The following SEPTIN7 variants were observed in gnomAD, a reference collection of about 807,000 sequenced individuals.
The protein encoded by SEPTIN7 is septin-7.
In SEPTIN7, 10 loss-of-function variants were observed where a neutral mutation model predicts 63.3. The ratio of observed to expected loss-of-function variants is 0.16; its 90% CI spans 0.10 to 0.27. The LOEUF (loss-of-function observed/expected upper bound fraction) is 0.27. Among genes scored for constraint, SEPTIN7 ranks in the 10% least tolerant of loss-of-function variants. The pLI, the probability that SEPTIN7 is intolerant of heterozygous loss-of-function variation, is 1.00. For synonymous variants in SEPTIN7, 131 were observed against 165.3 expected (o/e 0.79, Z 1.59); for missense variants, 310 against 521.0 (o/e 0.59, Z 3.94).
At chr7:35,837,812 A>G (rs560198062) in intron 3 of SEPTIN7, among the ~76,000 whole-genome samples, 2 of 151,854 alleles carry the variant, frequency 1.3e-5, no homozygotes, top group African/African-American at 2.4e-5. Flanking sequence ...GTCCACTGCA[A>G]CCTCCACCTC....
intron 3 of SEPTIN7, among the ~76,000 whole-genome samples, chr7:35,844,030 C>G (rs546307315): frequency 6.6e-6 from 1 of 152,268 alleles, no homozygotes; most frequent in East Asian, 1.9e-4. Flanking sequence ...TGAGCTCTTT[C>G]ATAGCATGCT....
At chr7:35,806,640 T>C (rs1173185289) in intron 1 of SEPTIN7, among the ~76,000 whole-genome samples, 1 of 152,236 alleles carries the variant, frequency 6.6e-6, no homozygotes, top group Non-Finnish European at 1.5e-5. Flanking sequence ...CTAATCAAGA[T>C]AGAGAATACT....
chr7:35,880,414 T>G (rs910447665), intron 7 of SEPTIN7, among the ~76,000 whole-genome samples: 2 of 151,854 alleles, frequency 1.3e-5, no homozygotes, highest in Admixed American at 6.6e-5. Context: ...TATTTTTATT[T>G]TGAAAACTTT....
At chr7:35,909,569 C>G (rs991096553), downstream of SEPTIN7, among the ~76,000 whole-genome samples, 10 of 152,158 alleles carry the variant, frequency 6.6e-5, no homozygotes, top group African/African-American at 2.4e-4. Flanking sequence ...ACCTGCCTAT[C>G]AAGGGAGAGA....
At chr7:35,855,728 G>A (rs564262982) in intron 3 of SEPTIN7, among the ~76,000 whole-genome samples, 1 of 152,156 alleles carries the variant, frequency 6.6e-6, no homozygotes, top group African/African-American at 2.4e-5. Context: ...ATGATCTGTA[G>A]GTTCCAGCAT....
intron 3 of SEPTIN7, among the ~76,000 whole-genome samples, chr7:35,836,260 A>T (rs1227323938): frequency 2.0e-5 from 3 of 152,300 alleles, no homozygotes; most frequent in Admixed American, 6.5e-5. Flanking sequence ...CTTAACTGTG[A>T]TAGAGAATAA....
chr7:35,845,182 C>T (rs1366231544), intron 3 of SEPTIN7, among the ~76,000 whole-genome samples: 1 of 152,092 alleles, frequency 6.6e-6, no homozygotes, highest in Non-Finnish European at 1.5e-5. Flanking sequence ...GTGACCACCC[C>T]TGCCTCACAG....
At chr7:35,855,839 A>G (rs1785176783) in intron 3 of SEPTIN7, among the ~76,000 whole-genome samples, 1 of 152,286 alleles carries the variant, frequency 6.6e-6, no homozygotes, top group African/African-American at 2.4e-5. Context: ...TTGTGTATAT[A>G]TATTTGACAA....
At chr7:35,833,326 A>C (rs1295824284) in intron 3 of SEPTIN7, among the ~76,000 whole-genome samples, 2 of 152,022 alleles carry the variant, frequency 1.3e-5, no homozygotes, top group East Asian at 3.8e-4. Flanking sequence ...ATAATAATGT[A>C]GTTGATTACC....
intron 3 of SEPTIN7, among the ~76,000 whole-genome samples, chr7:35,853,178 T>TC (rs1785045024): frequency 2.6e-5 from 4 of 152,294 alleles, no homozygotes; most frequent in Admixed American, 1.3e-4. Flanking sequence ...AAGCATGTAA[T>TC]CCCAGCCCTT....
At chr7:35,872,447 G>C (rs1379360388) in intron 4 of SEPTIN7, among the ~76,000 whole-genome samples, 4 of 152,114 alleles carry the variant, frequency 2.6e-5, no homozygotes, top group African/African-American at 9.7e-5. Context: ...TTTGCCAAGA[G>C]ATTGGCAGAC....
chr7:35,871,510 C>A (rs1460983717), intron 4 of SEPTIN7, among the ~76,000 whole-genome samples: 1 of 152,084 alleles, frequency 6.6e-6, no homozygotes, highest in Non-Finnish European at 1.5e-5. Flanking sequence ...TAGTTGATAC[C>A]CTAGGATTTG....
At chr7:35,888,091 G>T (rs113490230) in intron 10 of SEPTIN7, among the ~76,000 whole-genome samples, 3,896 of 152,220 alleles carry the variant, frequency 0.026, 124 homozygotes, top group East Asian at 0.077. Context: ...TCAGGGTGTG[G>T]ATATGGGTGT....
intron 1 of SEPTIN7, among the ~76,000 whole-genome samples, chr7:35,812,697 G>A (rs936528561): frequency 1.3e-5 from 2 of 151,928 alleles, no homozygotes; most frequent in South Asian, 2.1e-4. Context: ...TTTTTCCCCC[G>A]TAGGGTAGTT....
chr7:35,893,089 G>T (rs1401567928), intron 11 of SEPTIN7, among the ~76,000 whole-genome samples: 2 of 152,102 alleles, frequency 1.3e-5, no homozygotes, highest in East Asian at 3.8e-4. Flanking sequence ...AACTTATGGT[G>T]CTTTAGCTGA....
intron 3 of SEPTIN7, among the ~76,000 whole-genome samples, chr7:35,833,520 T>A (rs1046384248): frequency 1.3e-5 from 2 of 152,002 alleles, no homozygotes; most frequent in African/African-American, 4.8e-5. Context: ...TTATTAAATA[T>A]GAAGAAACAC....
intron 1 of SEPTIN7, among the ~76,000 whole-genome samples, chr7:35,804,679 AATC>A (rs928134054): frequency 7.2e-5 from 11 of 152,288 alleles, no homozygotes; most frequent in African/African-American, 2.6e-4. Context: ...TACATTGAGA[AATC>A]ATAGAGTATT....
intron 3 of SEPTIN7, among the ~76,000 whole-genome samples, chr7:35,838,009 G>A (rs1192427862): frequency 1.3e-5 from 2 of 152,062 alleles, no homozygotes; most frequent in African/African-American, 4.8e-5. Context: ...GATTACAGGT[G>A]TGAGCCACCA....
intron 6 of SEPTIN7, 53 bp downstream of exon 6, chr7:35,873,828 C>T: frequency 1.3e-6 from 2 of 1,518,456 alleles, no homozygotes; most frequent in South Asian, 1.2e-5. Flanking sequence ...CTTACTGTTA[C>T]CTTTATGTGC....
Sources: gnomAD v4.1 joint callset for allele counts (sites outside exome capture counted in the v4.1 genomes callset) on GRCh38, gnomAD v4.1.1 for gene constraint, MANE v1.5 for transcripts, NCBI Gene and HGNC (gene_info 2026-07-23, HGNC 2026-07-21) for gene names.